Variants in COX15 observed in about 807,000 individuals in gnomAD.
COX15 encodes heme A synthase COX15.
COX15 carries 51 observed loss-of-function variants against 51.9 expected under a neutral mutation model. The ratio of observed to expected loss-of-function variants is 0.98; its 90% CI spans 0.78 to 1.24. COX15 has a LOEUF of 1.24. Ranked by LOEUF, COX15 falls within the 50% of genes most tolerant of loss-of-function variation. The probability of loss-of-function intolerance (pLI) is 0.00; values close to 1 mark genes in which losing one functional copy is unlikely to be tolerated. For synonymous variants in COX15, 188 were observed against 190.5 expected, an observed-to-expected ratio of 0.99 and a Z score of 0.11; for missense variants, 420 against 501.1, an observed-to-expected ratio of 0.84 and a Z score of 1.55.
the COX15 span, among the ~76,000 whole-genome samples, chr10:99,700,253 CCT>C: frequency 6.6e-6 from 1 of 152,104 alleles, no homozygotes; most frequent in Non-Finnish European, 1.5e-5. Context: ...TTTTCCCTTA[CCT>C]TTTTAACTTT....
chr10:99,704,365 A>G, the COX15 span: 2 of 1,292,816 alleles, frequency 1.5e-6, no homozygotes, highest in Non-Finnish European at 2.2e-6. Flanking sequence ...TAAATGTGAT[A>G]ACACTACTGG....
At chr10:99,698,233 G>A in the COX15 span, among the ~76,000 whole-genome samples, 4 of 152,180 alleles carry the variant, frequency 2.6e-5, no homozygotes, top group Non-Finnish European at 5.9e-5. Flanking sequence ...TAGGAGGTAC[G>A]TGGGAATGAA....
the COX15 span, chr10:99,705,389 A>G: frequency 6.6e-6 from 1 of 152,508 alleles, no homozygotes; most frequent in Non-Finnish European, 1.5e-5. Context: ...GAGGATAGAA[A>G]ATTTTTCCAT....
intron 3 of COX15, 118 bp downstream of exon 3, chr10:99,727,323 G>A: frequency 6.6e-7 from 1 of 1,514,430 alleles, no homozygotes; most frequent in South Asian, 1.1e-5. Context: ...TAGAAGACAA[G>A]CTGACTAAAC....
At chr10:99,705,098 G>A in the COX15 span, 1 of 192,394 alleles carries the variant, frequency 5.2e-6, no homozygotes, top group Non-Finnish European at 1.1e-5. Flanking sequence ...AGCAAGTGCA[G>A]CAGCCCCTTC....
chr10:99,704,630 T>C, the COX15 span: 2 of 1,614,100 alleles, frequency 1.2e-6, no homozygotes, highest in Non-Finnish European at 8.5e-7. Context: ...TCCATTGGAC[T>C]TGCTGTGGCT....
rs1590078036 is a variant in COX15, at chr10:99,712,947, C to T, written c.*1640G>A. On this transcript the variant is annotated 3_prime_UTR_variant, in exon 9 of 9. Coordinates refer to ENST00000016171, the MANE Select transcript of COX15 (RefSeq NM_078470.6). Reference sequence around the variant, plus strand: ...TTGCTCTCTCTCCAGATGTTCTCTGCTCCAGTTAAATATCCCTAGTTCCTT... The same window carrying T: ...TTGCTCTCTCTCCAGATGTTCTCTGTTCCAGTTAAATATCCCTAGTTCCTT... 1.1e-6 allele frequency: 1 copy of T among 909,870 alleles called. No homozygotes were observed. The allele number at this position is 909,870 out of a possible 1,614,324, so 56.4% of individuals were successfully genotyped here.
the COX15 span, among the ~76,000 whole-genome samples, chr10:99,703,713 CTTTA>C: frequency 6.6e-6 from 1 of 151,898 alleles, no homozygotes; most frequent in Admixed American, 6.6e-5. Context: ...AACATAGTAC[CTTTA>C]TTTTTTATTA....
the COX15 span, chr10:99,704,600 C>T: frequency 2.7e-5 from 43 of 1,614,054 alleles, no homozygotes; most frequent in South Asian, 3.1e-4. Context: ...AATTCACCAC[C>T]GACAAACACG....
At chr10:99,701,405 A>G in the COX15 span, among the ~76,000 whole-genome samples, 1 of 151,440 alleles carries the variant, frequency 6.6e-6, no homozygotes, top group Non-Finnish European at 1.5e-5. Flanking sequence ...CTCCTGCCTC[A>G]GCCCCCCAAG....
rs2036407828 is a variant in COX15, at chr10:99,712,024, G to T, written c.*2563C>A. On this transcript the variant is annotated 3_prime_UTR_variant, in exon 9 of 9. Transcript: ENST00000016171. ...CAAGCGAGAGAGGAGGAAGTTCCAG[G>T]CTCTTTTAAACAACCAGCTCTTGCA... is the stretch of plus-strand genomic sequence containing the variant. 1 of 275,106 alleles carries T rather than the reference G, an allele frequency of 3.6e-6. No homozygotes were observed. Among genetic ancestry groups the T allele is most frequent in the Non-Finnish European group, 5.5e-6 (1 of 180,608 alleles). The allele number at this position is 275,106 out of a possible 1,614,324, so 17.0% of individuals were successfully genotyped here.
chr10:99,705,417 G>C, the COX15 span: 1 of 152,472 alleles, frequency 6.6e-6, no homozygotes, highest in Non-Finnish European at 1.5e-5. Context: ...TGCCTCACAG[G>C]CTGTTTGGGC....
intron 5 of COX15, among the ~76,000 whole-genome samples, chr10:99,721,443 G>C (rs1405187452): frequency 6.6e-6 from 1 of 152,176 alleles, no homozygotes; most frequent in Admixed American, 6.5e-5. Context: ...TTAAGATCAG[G>C]ACTGGATTTT....
rs548241390 is a variant in COX15 at position 99,728,578 on chromosome 10, T to C, written c.272+975A>G. ...TAATTTTGCTACGCTAATGAAATAA[T>C]GGATCTAGGCAATGGTAATTAATGG... On this transcript the variant is annotated intron_variant, in intron 2 of 8. Coordinates refer to ENST00000016171, the MANE Select transcript of COX15 (RefSeq NM_078470.6). 1.8e-4 allele frequency among the ~76,000 whole-genome samples: 28 copies of C among 152,354 alleles called. No individual in the cohort carries two copies. The South Asian group carries it at 5.4e-3, about 29-fold the overall frequency.
chr10:99,723,828 C>G (rs1290569499), intron 5 of COX15, 128 bp downstream of exon 5: 18 of 1,016,730 alleles, frequency 1.8e-5, no homozygotes, highest in Non-Finnish European at 2.3e-5. Flanking sequence ...ATTTGTTTCA[C>G]CTTTGCCAAT....
rs987672655 is a variant in COX15, at chr10:99,713,541, G to A, written c.*1046C>T. 2.6e-6 allele frequency: 4 copies of A among 1,565,238 alleles called. No homozygotes were observed. The highest frequency in any genetic ancestry group is 3.5e-6 in the Non-Finnish European group (4 of 1,154,804). ...TCAGCAGTCAACAATTTGTTTATCT[G>A]GGTAGATGTCCATGCACTACACCAT... is the stretch of plus-strand genomic sequence containing the variant. On this transcript the variant is annotated 3_prime_UTR_variant, in exon 9 of 9. Transcript: ENST00000016171.
chr10:99,704,586 G>A, the COX15 span: 39 of 1,613,984 alleles, frequency 2.4e-5, no homozygotes, highest in South Asian at 2.3e-4. Context: ...CTGCGGCTAC[G>A]CCGAATTCAC....
chr10:99,720,207 G>T (rs2036714943), intron 6 of COX15, among the ~76,000 whole-genome samples: 1 of 152,176 alleles, frequency 6.6e-6, no homozygotes, highest in African/African-American at 2.4e-5. Flanking sequence ...CACTTTGGGA[G>T]GCTAAGGCGG....
the COX15 span, chr10:99,698,812 G>A: frequency 6.8e-6 from 11 of 1,611,592 alleles, no homozygotes; most frequent in African/African-American, 1.3e-5. Flanking sequence ...GATGTGTTGC[G>A]CATTGGTGGC....
Sources: allele counts gnomAD v4.1 joint callset (sites outside exome capture counted in the v4.1 genomes callset), GRCh38; gene constraint gnomAD v4.1.1; transcripts MANE v1.5; gene names NCBI Gene and HGNC (gene_info 2026-07-23, HGNC 2026-07-21).